SPPL3: variants seen among roughly 807,000 people sequenced by gnomAD.
SPPL3 encodes signal peptide peptidase like 3.
In SPPL3, 5 loss-of-function variants were observed where a neutral mutation model predicts 42.4. The ratio of observed to expected loss-of-function variants is 0.12; its 90% CI spans 0.06 to 0.25. SPPL3 has a LOEUF of 0.25. Among genes scored for constraint, SPPL3 ranks in the 10% least tolerant of loss-of-function variants. SPPL3 has a pLI of 1.00. For missense variants in SPPL3, 235 were observed against 489.0 expected (o/e 0.48, Z 4.90); for synonymous variants, 195 against 181.8 (o/e 1.07, Z -0.58).
rs1460234061 is a variant in SPPL3 at position 120,763,256 on chromosome 12, C to T, written c.*1743G>A. On this transcript the variant is annotated 3_prime_UTR_variant, in exon 11 of 11. Coordinates refer to ENST00000353487, the MANE Select transcript of SPPL3 (RefSeq NM_139015.5). ...CTACAAAGGAGTCATTTATTAAAAA[C>T]AAAACCCCAGAAACCCCTCAGCAGG... 7.1e-6 allele frequency: 1 copy of T among 139,920 alleles called. No homozygotes were observed. Among genetic ancestry groups the T allele is most frequent in the Non-Finnish European group, 1.6e-5 (1 of 60,824 alleles). 8.7% of individuals were successfully genotyped at this position (139,920 alleles called of 1,614,324 possible). A position where few individuals can be genotyped will look rare whatever the true frequency, so the allele number is the denominator to read the frequency against.
At chr12:120,807,860 A>T (rs1168683592) in intron 2 of SPPL3, among the ~76,000 whole-genome samples, 1 of 152,160 alleles carries the variant, frequency 6.6e-6, no homozygotes, top group Non-Finnish European at 1.5e-5. Flanking sequence ...AAAACAGAAG[A>T]GGAAAAAACA....
intron 1 of SPPL3, chr12:120,845,172 G>A (rs1871977787): frequency 4.3e-6 from 2 of 461,378 alleles, no homozygotes; most frequent in South Asian, 3.5e-5. Flanking sequence ...CGTCGCCACT[G>A]GTGGCACAGG....
intron 5 of SPPL3, among the ~76,000 whole-genome samples, chr12:120,783,134 T>C (rs565888843): frequency 7.0e-4 from 106 of 152,266 alleles, no homozygotes; most frequent in African/African-American, 1.8e-3. Flanking sequence ...ATTTAGAAGA[T>C]TGTAAATCTT....
intron 1 of SPPL3, among the ~76,000 whole-genome samples, chr12:120,901,046 C>G (rs951344903): frequency 4.6e-5 from 7 of 151,788 alleles, no homozygotes; most frequent in African/African-American, 1.5e-4. Context: ...TACTGGAATA[C>G]CTTTTCCATA....
intron 1 of SPPL3, among the ~76,000 whole-genome samples, chr12:120,872,776 C>T (rs1872968245): frequency 6.6e-6 from 1 of 152,136 alleles, no homozygotes; most frequent in Non-Finnish European, 1.5e-5. Flanking sequence ...GGATCAACAC[C>T]TTAGTAGGGG....
At chr12:120,774,037 C>T (rs532299563) in intron 6 of SPPL3, among the ~76,000 whole-genome samples, 12 of 152,330 alleles carry the variant, frequency 7.9e-5, no homozygotes, top group Admixed American at 1.3e-4. Flanking sequence ...CCTCCACCTG[C>T]GTCTAAACTA....
rs974231836 is a variant in SPPL3, at chr12:120,890,385, C to T, written c.23+13460G>A. Among the ~76,000 whole-genome samples, 11 of 151,962 alleles carry T rather than the reference C, an allele frequency of 7.2e-5. 1 individual carries two copies. The East Asian group carries it at 1.7e-3, about 24-fold the overall frequency. On this transcript the variant is annotated intron_variant, in intron 1 of 10. Coordinates refer to ENST00000353487, the MANE Select transcript of SPPL3 (RefSeq NM_139015.5). Reference sequence around the variant, plus strand: ...CGGGCAGATCACGAGGTCAAGAGATCGAAACCATCCTGGCCAAAATGATAA... The same window carrying T: ...CGGGCAGATCACGAGGTCAAGAGATTGAAACCATCCTGGCCAAAATGATAA...
At chr12:120,880,712 G>A (rs1484912294) in intron 1 of SPPL3, among the ~76,000 whole-genome samples, 3 of 150,518 alleles carry the variant, frequency 2.0e-5, no homozygotes, top group Non-Finnish European at 4.4e-5. Flanking sequence ...GCTTGAACCC[G>A]GAAGGCAGAG....
chr12:120,822,990 GAAGTA>G (rs1198292629), intron 1 of SPPL3, among the ~76,000 whole-genome samples: 6 of 151,656 alleles, frequency 4.0e-5, no homozygotes, highest in Non-Finnish European at 8.8e-5. Flanking sequence ...GAGACAAAAA[GAAGTA>G]AACAGGTTGC....
At chr12:120,871,144 A>AAAAAAAAAGAAAAAG (rs61249398) in intron 1 of SPPL3, among the ~76,000 whole-genome samples, 1 of 142,124 alleles carries the variant, frequency 7.0e-6, no homozygotes, top group African/African-American at 2.9e-5. Context: ...AAAAAAAAAA[A>AAAAAAAAAGAAAAAG]AAAAAGAAAA....
At chr12:120,846,052 A>G (rs1022130638) in intron 1 of SPPL3, among the ~76,000 whole-genome samples, 5 of 152,106 alleles carry the variant, frequency 3.3e-5, no homozygotes, top group Admixed American at 1.3e-4. Flanking sequence ...GCATGCCACC[A>G]CGCCCAGCTG....
chr12:120,811,938 TA>T (rs1364440658), intron 1 of SPPL3, among the ~76,000 whole-genome samples: 3 of 152,058 alleles, frequency 2.0e-5, no homozygotes, highest in Non-Finnish European at 4.4e-5. Context: ...TAATGTATAT[TA>T]GGTAGATGCA....
At chr12:120,829,140 G>C (rs1020739416) in intron 1 of SPPL3, among the ~76,000 whole-genome samples, 3 of 152,132 alleles carry the variant, frequency 2.0e-5, no homozygotes, top group African/African-American at 4.8e-5. Context: ...GCCTCACACT[G>C]TATGCAAAAA....
chr12:120,775,998 C>G (rs1160549565), intron 6 of SPPL3, among the ~76,000 whole-genome samples: 1 of 152,120 alleles, frequency 6.6e-6, no homozygotes, highest in Non-Finnish European at 1.5e-5. Context: ...GAGAGCAAGA[C>G]ACTACAGTGT....
At chr12:120,772,336 A>G (rs10849787) in intron 6 of SPPL3, among the ~76,000 whole-genome samples, 29,454 of 151,988 alleles carry the variant, frequency 0.19, 4,497 homozygotes, top group African/African-American at 0.41. Context: ...TGCTTCTTCT[A>G]TGTGATGTGC....
At chr12:120,900,612 A>AG (rs1555255147) in intron 1 of SPPL3, among the ~76,000 whole-genome samples, 16 of 151,000 alleles carry the variant, frequency 1.1e-4, no homozygotes, top group South Asian at 4.2e-4. Flanking sequence ...AAAAAAAAAA[A>AG]AGAGAGATCA....
intron 1 of SPPL3, among the ~76,000 whole-genome samples, chr12:120,812,951 C>T (rs1870731543): frequency 2.0e-5 from 3 of 152,162 alleles, no homozygotes; most frequent in Admixed American, 2.0e-4. Context: ...ATGAATGCTG[C>T]TGAGAGGTCA....
intron 1 of SPPL3, among the ~76,000 whole-genome samples, chr12:120,896,508 C>T (rs1385989214): frequency 6.6e-6 from 1 of 152,076 alleles, no homozygotes; most frequent in East Asian, 1.9e-4. Context: ...AGGCATGGTG[C>T]CTCATGCCTG....
intron 1 of SPPL3, among the ~76,000 whole-genome samples, chr12:120,820,185 T>C (rs1374197989): frequency 1.3e-5 from 2 of 152,206 alleles, no homozygotes; most frequent in East Asian, 3.9e-4. Flanking sequence ...TTTTTTGCTA[T>C]CCAAAATTTC....
Sources: gnomAD v4.1 joint callset for allele counts (sites outside exome capture counted in the v4.1 genomes callset) on GRCh38, gnomAD v4.1.1 for gene constraint, MANE v1.5 for transcripts, NCBI Gene and HGNC (gene_info 2026-07-23, HGNC 2026-07-21) for gene names.